The following PHTF1 variants were observed in gnomAD, a reference collection of about 807,000 sequenced individuals.
PHTF1 encodes the protein protein PHTF1.
Under a neutral mutation model 102.4 loss-of-function variants are expected in PHTF1, and 88 were observed. That is an observed-to-expected ratio of 0.86 (90% CI 0.72 to 1.03). PHTF1 has a LOEUF of 1.03. Ranked by LOEUF, PHTF1 falls within the 50% of genes least tolerant of loss-of-function variation. The probability of loss-of-function intolerance (pLI) is 0.00; values close to 1 mark genes in which losing one functional copy is unlikely to be tolerated. For missense variants in PHTF1, 814 were observed against 909.5 expected (o/e 0.89, Z 1.35); for synonymous variants, 289 against 305.2 (o/e 0.95, Z 0.55).
chr1:113,711,756 G>C lies in PHTF1; in HGVS notation c.1037C>G (p.Ala346Gly), dbSNP rs766657228. The C allele has an allele frequency of 4.3e-6, 7 of 1,611,444 alleles. No individual in the cohort carries two copies. Among genetic ancestry groups the C allele is most frequent in the East Asian group, 2.2e-5 (1 of 44,858 alleles). ...SLAESEFESA[A>G]FSQGSRSGVS... ...AAAGGGATACTTTACCTGGCTGAAG[G>C]CTGCTGATTCAAATTCTGATTCAGC... Residue 346 changes from alanine to glycine, a missense_variant, in exon 10 of 19, where the codon GCC becomes GGC. Physicochemically the swap from Ala to Gly is moderately conservative, Grantham distance 60. Transcript: ENST00000369604.
At chr1:113,756,742 C>A (rs1309147829) in intron 3 of PHTF1, among the ~76,000 whole-genome samples, 2 of 152,146 alleles carry the variant, frequency 1.3e-5, no homozygotes, top group Non-Finnish European at 2.9e-5. Context: ...ACCCTCTCCT[C>A]CCCTATTATA....
intron 3 of PHTF1, among the ~76,000 whole-genome samples, chr1:113,754,872 T>C (rs1166305072): frequency 6.6e-6 from 1 of 152,168 alleles, no homozygotes; most frequent in East Asian, 1.9e-4. Flanking sequence ...TATCACTCTA[T>C]CTATGTACCT....
At chr1:113,700,743 G>A (rs372175540) in intron 16 of PHTF1, 51 bp downstream of exon 16, 37 of 1,538,694 alleles carry the variant, frequency 2.4e-5, no homozygotes, top group Middle Eastern at 3.4e-4. Context: ...ACCTTACAGC[G>A]TATTACGCTA....
chr1:113,746,824 T>TA (rs1657323346), intron 3 of PHTF1: 4 of 871,962 alleles, frequency 4.6e-6, no homozygotes, highest in South Asian at 1.1e-4. Context: ...ACAAGGTTAA[T>TA]AAAAAATAAC....
At chr1:113,732,664 A>G (rs1654841791) in intron 5 of PHTF1, among the ~76,000 whole-genome samples, 1 of 152,258 alleles carries the variant, frequency 6.6e-6, no homozygotes, top group African/African-American at 2.4e-5. Flanking sequence ...TGGCATAGAT[A>G]TGAGAATAAC....
intron 7 of PHTF1, among the ~76,000 whole-genome samples, chr1:113,718,326 T>C (rs1478971737): frequency 6.6e-6 from 1 of 152,214 alleles, no homozygotes; most frequent in Non-Finnish European, 1.5e-5. Context: ...GCTCTGTCCT[T>C]ATGGCTTTGC....
chr1:113,728,395 T>A (rs1031115440), intron 5 of PHTF1, among the ~76,000 whole-genome samples: 5 of 152,056 alleles, frequency 3.3e-5, no homozygotes, highest in Non-Finnish European at 5.9e-5. Flanking sequence ...AAAACCACAA[T>A]GAGATATCAT....
intron 11 of PHTF1, among the ~76,000 whole-genome samples, chr1:113,707,494 T>A (rs577238662): frequency 2.0e-5 from 3 of 152,190 alleles, no homozygotes; most frequent in Admixed American, 6.5e-5. Flanking sequence ...CAAATTAACA[T>A]CTTATTATAT....
chr1:113,741,251 A>G (rs1038475978), intron 3 of PHTF1, among the ~76,000 whole-genome samples: 3 of 152,206 alleles, frequency 2.0e-5, no homozygotes, highest in Non-Finnish European at 4.4e-5. Flanking sequence ...TCAACTCACC[A>G]TAAGCTGTAG....
At position 113,704,758 on chromosome 1, in the gene PHTF1, C is replaced by A. The variant is rs201587060; in HGVS notation, c.1711G>T (p.Ala571Ser). The change falls in exon 14 of 19, where the codon GCC (alanine) becomes TCC (serine). Residue 571 changes from alanine (A) to serine (S), a missense_variant. By Grantham distance (99) the Ala-to-Ser change is moderately conservative. Transcript: ENST00000369604. ...FAKLFSHITSARKARKYEIPH... is the reference protein window; with the variant it reads ...FAKLFSHITSSRKARKYEIPH... Reference sequence around the variant, plus strand: ...ATTTCATATTTCCTAGCTTTCCTGGCAGAAGTAATATGGCTGAAGAGTTTT... The same window carrying A: ...ATTTCATATTTCCTAGCTTTCCTGGAAGAAGTAATATGGCTGAAGAGTTTT... The A allele has an allele frequency of 5.8e-5, 92 of 1,594,020 alleles. No homozygotes were observed. The highest frequency in any genetic ancestry group is 7.6e-5 in the Non-Finnish European group (88 of 1,163,350).
At chr1:113,742,964 G>GT (rs1384987450) in intron 3 of PHTF1, among the ~76,000 whole-genome samples, 1 of 151,996 alleles carries the variant, frequency 6.6e-6, no homozygotes, top group Non-Finnish European at 1.5e-5. Flanking sequence ...CTCCCAAGGA[G>GT]TTTTTTGTTG....
At chr1:113,752,385 A>AT (rs774522219) in intron 3 of PHTF1, among the ~76,000 whole-genome samples, 1,271 of 47,906 alleles carry the variant, frequency 0.027, 470 homozygotes, top group African/African-American at 0.032. Flanking sequence ...TGTTACTGTA[A>AT]TTTTTTTTTT....
At chr1:113,707,344 TCTC>T (rs1650369730) in intron 11 of PHTF1, among the ~76,000 whole-genome samples, 3 of 152,130 alleles carry the variant, frequency 2.0e-5, no homozygotes, top group African/African-American at 7.2e-5. Flanking sequence ...AACAGCTCCC[TCTC>T]CTCCTCTGCC....
intron 11 of PHTF1, among the ~76,000 whole-genome samples, chr1:113,707,153 T>C (rs1442842243): frequency 1.3e-5 from 2 of 152,144 alleles, no homozygotes; most frequent in Non-Finnish European, 2.9e-5. Context: ...TCATGGGCTA[T>C]TAAGAAAGAA....
intron 14 of PHTF1, 128 bp downstream of exon 14, chr1:113,704,538 C>G: frequency 1.6e-6 from 1 of 643,966 alleles, no homozygotes; most frequent in Admixed American, 2.8e-5. Context: ...TGCTGTCCAG[C>G]AAGTCTGTCA....
At chr1:113,757,392 C>G (rs1486080681) in intron 3 of PHTF1, among the ~76,000 whole-genome samples, 1 of 152,178 alleles carries the variant, frequency 6.6e-6, no homozygotes, top group Non-Finnish European at 1.5e-5. Flanking sequence ...ATCTGAAACT[C>G]TGGCAATATT....
chr1:113,751,958 T>C (rs184036651), intron 3 of PHTF1, among the ~76,000 whole-genome samples: 28 of 152,354 alleles, frequency 1.8e-4, no homozygotes, highest in African/African-American at 6.7e-4. Context: ...TCCAACACTA[T>C]TCTTTTTAAA....
chr1:113,723,804 T>C lies in PHTF1; in HGVS notation c.623+955A>G, dbSNP rs534496812. Among the ~76,000 whole-genome samples, 9 of 152,136 alleles carry C rather than the reference T, an allele frequency of 5.9e-5. No homozygotes were observed. The South Asian group carries it at 6.2e-4, about 11-fold the overall frequency. On this transcript the variant is annotated intron_variant, in intron 7 of 18. Transcript: ENST00000369604. ...CACATCAAGTTAAAAAGCATCTATA[T>C]AGCAAAGGAAACAATCAACCAAGTG...
chr1:113,705,101 T>C (rs1649925402), intron 13 of PHTF1, among the ~76,000 whole-genome samples: 1 of 152,216 alleles, frequency 6.6e-6, no homozygotes, highest in South Asian at 2.1e-4. Context: ...CTCAAATGTT[T>C]ATACATGATT....
Sources: allele counts gnomAD v4.1 joint callset (sites outside exome capture counted in the v4.1 genomes callset), GRCh38; gene constraint gnomAD v4.1.1; transcripts MANE v1.5; gene names NCBI Gene and HGNC (gene_info 2026-07-23, HGNC 2026-07-21).